The following KLHL32 variants were observed in gnomAD, a reference collection of about 807,000 sequenced individuals.
KLHL32 encodes the protein kelch-like protein 32.
A neutral mutation model predicts 64.8 loss-of-function variants in KLHL32; 35 were observed. The observed-to-expected ratio is 0.54, with a 90% CI of 0.41 to 0.72. KLHL32 has a LOEUF of 0.72. Ranked by LOEUF, KLHL32 falls within the 30% of genes least tolerant of loss-of-function variation. The pLI is 0.00. For synonymous variants in KLHL32, 259 were observed against 281.0 expected (o/e 0.92, Z 0.78); for missense variants, 589 against 768.5 (o/e 0.77, Z 2.76).
intron 3 of KLHL32, chr6:97,025,221 G>A (rs1311193659): frequency 2.2e-5 from 16 of 730,796 alleles, no homozygotes; most frequent in Non-Finnish European, 2.7e-5. Flanking sequence ...ATCTGATTTG[G>A]AACGAATTGT....
chr6:97,066,898 A>C (rs1178898637), intron 5 of KLHL32, among the ~76,000 whole-genome samples: 1 of 152,212 alleles, frequency 6.6e-6, no homozygotes, highest in Non-Finnish European at 1.5e-5. Flanking sequence ...ATTAATGTGA[A>C]AAATTCCCAG....
intron 1 of KLHL32, among the ~76,000 whole-genome samples, chr6:96,937,868 A>G (rs1582400829): frequency 6.6e-6 from 1 of 152,128 alleles, no homozygotes; most frequent in Non-Finnish European, 1.5e-5. Flanking sequence ...TCTTCTTTCT[A>G]AAAACTTCTG....
intron 3 of KLHL32, among the ~76,000 whole-genome samples, chr6:97,013,984 G>A (rs913067853): frequency 1.3e-5 from 2 of 152,182 alleles, no homozygotes; most frequent in Admixed American, 6.5e-5. Context: ...CCCTGAGGGT[G>A]CAGGGGAAGG....
At chr6:96,948,200 A>G (rs1277837232) in intron 1 of KLHL32, among the ~76,000 whole-genome samples, 1 of 152,178 alleles carries the variant, frequency 6.6e-6, no homozygotes, top group African/African-American at 2.4e-5. Flanking sequence ...CACAATGTAC[A>G]ATGAGCGGTG....
chr6:97,140,552 A>AAT lies in KLHL32; in HGVS notation c.*1271_*1272dup, dbSNP rs1217048630. ...AACTTAATAATCACATTTGAAAACA[A>AAT]ATTTAACAAGTATAATGTGAGTTTT... On this transcript the variant is annotated 3_prime_UTR_variant, in exon 11 of 11. Coordinates refer to ENST00000369261, the MANE Select transcript of KLHL32 (RefSeq NM_052904.4). 1 of 152,036 alleles carries AAT rather than the reference A, an allele frequency of 6.6e-6. No homozygotes were observed. Among genetic ancestry groups the AAT allele is most frequent in the Non-Finnish European group, 1.5e-5 (1 of 67,908 alleles). The allele number at this position is 152,036 out of a possible 1,614,324, so 9.4% of individuals were successfully genotyped here.
chr6:96,900,288 A>G, the KLHL32 span, among the ~76,000 whole-genome samples: 5 of 152,358 alleles, frequency 3.3e-5, no homozygotes, highest in Admixed American at 2.6e-4. Context: ...CTGATGTTCA[A>G]TATTTGCATT....
chr6:97,137,704 T>G (rs1402633533), intron 10 of KLHL32, among the ~76,000 whole-genome samples: 1 of 152,032 alleles, frequency 6.6e-6, no homozygotes, highest in African/African-American at 2.4e-5. Context: ...CTGGCTAATT[T>G]TTTGTATTTT....
At chr6:97,019,319 T>A (rs979187424) in intron 3 of KLHL32, among the ~76,000 whole-genome samples, 3 of 152,148 alleles carry the variant, frequency 2.0e-5, no homozygotes, top group Non-Finnish European at 4.4e-5. Context: ...TTGGACCCAA[T>A]AACTGCAGAA....
rs199890074 is a variant in KLHL32, at chr6:96,967,463, G to GTA, written c.23+391_23+392dup. Reference sequence around the variant, plus strand: ...TAGATGTGTATATATAGAGAGATGTGTATATATATATAGAGAGAGAGATAG... The same window carrying GTA: ...TAGATGTGTATATATAGAGAGATGTGTATATATATATATAGAGAGAGAGATAG... On this transcript the variant is annotated intron_variant, in intron 2 of 10. Transcript: ENST00000369261. Among the ~76,000 whole-genome samples, 38 of 150,842 alleles carry GTA rather than the reference G, an allele frequency of 2.5e-4. 1 individual carries two copies. The highest frequency in any genetic ancestry group is 5.3e-4 in the Admixed American group (8 of 15,082).
intron 4 of KLHL32, among the ~76,000 whole-genome samples, chr6:97,044,021 T>G (rs1785537476): frequency 5.9e-5 from 9 of 152,082 alleles, no homozygotes; most frequent in Admixed American, 5.9e-4. Context: ...GAACTTCCAG[T>G]ACTATGTTGA....
intron 10 of KLHL32, among the ~76,000 whole-genome samples, chr6:97,133,256 C>T (rs1799634456): frequency 6.6e-6 from 1 of 152,218 alleles, no homozygotes; most frequent in Non-Finnish European, 1.5e-5. Flanking sequence ...CCTGGTGCAT[C>T]AGCATATGAG....
At chr6:96,908,119 A>C in the KLHL32 span, among the ~76,000 whole-genome samples, 3 of 152,192 alleles carry the variant, frequency 2.0e-5, no homozygotes, top group Non-Finnish European at 4.4e-5. Context: ...AAACCCCCAA[A>C]AGGATCACAG....
At chr6:97,062,922 C>T (rs963417682) in intron 4 of KLHL32, among the ~76,000 whole-genome samples, 9 of 152,150 alleles carry the variant, frequency 5.9e-5, no homozygotes, top group African/African-American at 1.4e-4. Flanking sequence ...TCAGGTAAGA[C>T]GTTATCTGAA....
At chr6:97,123,816 G>A (rs769002131) in intron 7 of KLHL32, among the ~76,000 whole-genome samples, 8 of 152,158 alleles carry the variant, frequency 5.3e-5, no homozygotes, top group Non-Finnish European at 1.0e-4. Context: ...ATGTGGCATC[G>A]TAACCCAGAG....
intron 3 of KLHL32, among the ~76,000 whole-genome samples, chr6:97,027,031 G>A (rs1782811238): frequency 6.6e-6 from 1 of 151,762 alleles, no homozygotes; most frequent in Non-Finnish European, 1.5e-5. Flanking sequence ...GCGTGGTGGC[G>A]TGCACCTGTA....
chr6:97,103,047 A>G (rs1325865122), intron 6 of KLHL32, among the ~76,000 whole-genome samples: 2 of 151,578 alleles, frequency 1.3e-5, no homozygotes, highest in Admixed American at 6.6e-5. Flanking sequence ...ATATAAATAT[A>G]CCATTATATA....
intron 5 of KLHL32, among the ~76,000 whole-genome samples, chr6:97,079,871 A>C (rs1385335626): frequency 6.6e-6 from 1 of 152,220 alleles, no homozygotes. Context: ...TTAGAAAAAA[A>C]AAAGAGTAAG....
At chr6:97,082,917 C>G (rs186798429) in intron 5 of KLHL32, among the ~76,000 whole-genome samples, 54 of 152,300 alleles carry the variant, frequency 3.5e-4, no homozygotes, top group African/African-American at 1.3e-3. Flanking sequence ...ATTTTGACCT[C>G]TTTGCATCAG....
At chr6:96,975,243 C>A (rs956731475) in intron 2 of KLHL32, among the ~76,000 whole-genome samples, 2 of 152,094 alleles carry the variant, frequency 1.3e-5, no homozygotes, top group South Asian at 4.1e-4. Flanking sequence ...GGTTAGCAAT[C>A]TCACAAAGTA....
Sources: allele counts gnomAD v4.1 joint callset (sites outside exome capture counted in the v4.1 genomes callset), GRCh38; gene constraint gnomAD v4.1.1; transcripts MANE v1.5; gene names NCBI Gene and HGNC (gene_info 2026-07-23, HGNC 2026-07-21).